Variants in CNTN5 observed in about 807,000 individuals in gnomAD.
The protein encoded by CNTN5 is contactin-5.
CNTN5 carries 77 observed loss-of-function variants against 129.1 expected under a neutral mutation model. The observed-to-expected ratio is 0.60, with a 90% CI of 0.50 to 0.72. CNTN5 has a LOEUF of 0.72. Among genes scored for constraint, CNTN5 ranks in the 30% least tolerant of loss-of-function variants. CNTN5 has a pLI of 0.00. For missense variants in CNTN5, 1,478 were observed against 1,328.8 expected (o/e 1.11, Z -1.75); for synonymous variants, 509 against 465.6 (o/e 1.09, Z -1.20).
chr11:99,782,890 G>A (rs911817517), intron 3 of CNTN5, among the ~76,000 whole-genome samples: 9 of 151,696 alleles, frequency 5.9e-5, no homozygotes, highest in Admixed American at 5.3e-4. Context: ...AGAAAACCTA[G>A]GCATTACCAT....
intron 2 of CNTN5, among the ~76,000 whole-genome samples, chr11:99,450,465 A>G (rs11219979): frequency 0.18 from 27,063 of 152,074 alleles, 2,548 homozygotes; most frequent in Middle Eastern, 0.31. Flanking sequence ...GGGAAGAACT[A>G]TGTATATAGT....
At chr11:100,143,479 A>G (rs1160013744) in intron 13 of CNTN5, among the ~76,000 whole-genome samples, 2 of 152,150 alleles carry the variant, frequency 1.3e-5, no homozygotes, top group African/African-American at 4.8e-5. Flanking sequence ...ACTAGGAAAG[A>G]GAACAGATCT....
In CNTN5 at chr11:99,739,751, C is replaced by T. The variant is rs75748752; in HGVS notation, c.56-79793C>T. Reference sequence around the variant, plus strand: ...ATGACTTATTCTTCGTTTTTGCTTCCATTTAAAGAGATTTTTGTAGCGATG... The same window carrying T: ...ATGACTTATTCTTCGTTTTTGCTTCTATTTAAAGAGATTTTTGTAGCGATG... On this transcript the variant is annotated intron_variant, in intron 3 of 24. Coordinates refer to ENST00000524871, the MANE Select transcript of CNTN5 (RefSeq NM_014361.4). 5.0e-3 allele frequency among the ~76,000 whole-genome samples: 760 copies of T among 152,180 alleles called. 8 individuals carry two copies. The highest frequency in any genetic ancestry group is 0.016 in the African/African-American group (673 of 41,536).
intron 3 of CNTN5, among the ~76,000 whole-genome samples, chr11:99,557,072 T>C (rs1948697949): frequency 6.6e-6 from 1 of 151,246 alleles, no homozygotes; most frequent in Non-Finnish European, 1.5e-5. Context: ...GTAGTATGTA[T>C]GGTAAGAGAG....
intron 1 of CNTN5, among the ~76,000 whole-genome samples, chr11:99,290,387 C>T (rs180713187): frequency 1.1e-3 from 160 of 151,890 alleles, no homozygotes; most frequent in Admixed American, 1.6e-3. Flanking sequence ...AGCCACACAC[C>T]TCCAGGAATT....
chr11:99,708,769 C>T (rs1420008662), intron 3 of CNTN5, among the ~76,000 whole-genome samples: 1 of 151,710 alleles, frequency 6.6e-6, no homozygotes, highest in Admixed American at 6.6e-5. Context: ...TTCTTACACT[C>T]AATGGGGCTG....
rs777392424 is a variant in CNTN5, at chr11:100,071,847, T to C, written c.1429+13T>C. Reference sequence around the variant, plus strand: ...CTGAAGATTCTAGGTATGCAGTTTCTAAGTGAATAAATTGAAAAAAAAAAC... The same window carrying C: ...CTGAAGATTCTAGGTATGCAGTTTCCAAGTGAATAAATTGAAAAAAAAAAC... On this transcript the variant is annotated intron_variant, in intron 12 of 24. Transcript: ENST00000524871. 4.5e-6 allele frequency: 7 copies of C among 1,565,486 alleles called. No individual in the cohort carries two copies. Among genetic ancestry groups the C allele is most frequent in the Non-Finnish European group, 6.0e-6 (7 of 1,163,574 alleles).
chr11:100,347,368 C>T (rs1234807700), intron 23 of CNTN5, among the ~76,000 whole-genome samples: 1 of 152,048 alleles, frequency 6.6e-6, no homozygotes, highest in Non-Finnish European at 1.5e-5. Flanking sequence ...ATAGGAGACT[C>T]AGCCTTCTTT....
chr11:99,639,027 C>A (rs1951668950), intron 3 of CNTN5, among the ~76,000 whole-genome samples: 1 of 152,228 alleles, frequency 6.6e-6, no homozygotes, highest in African/African-American at 2.4e-5. Context: ...CCTGTCCCTG[C>A]AGCAAACTTT....
chr11:99,617,272 A>G (rs1209709545), intron 3 of CNTN5, among the ~76,000 whole-genome samples: 1 of 152,148 alleles, frequency 6.6e-6, no homozygotes, highest in Non-Finnish European at 1.5e-5. Context: ...TTTCTGAAAA[A>G]CCATCCTGGC....
intron 1 of CNTN5, among the ~76,000 whole-genome samples, chr11:99,138,327 T>C (rs1286327666): frequency 6.6e-6 from 1 of 152,184 alleles, no homozygotes; most frequent in African/African-American, 2.4e-5. Flanking sequence ...ATGGATGAAA[T>C]GTTAAGCAGA....
rs1314026698 is a variant in CNTN5, at chr11:100,050,023, A to G, written c.981-11189A>G. Among the ~76,000 whole-genome samples the G allele has an allele frequency of 1.8e-3, 272 of 152,086 alleles. No individual in the cohort carries two copies. The Middle Eastern group carries it at 0.02, about 11-fold the overall frequency. ...GAAACAGGAACACTTTTACACTCTT[A>G]GTGGGACTGTAAACTAGTTCAACCA... On this transcript the variant is annotated intron_variant, in intron 9 of 24. Coordinates refer to ENST00000524871, the MANE Select transcript of CNTN5 (RefSeq NM_014361.4).
At chr11:100,307,777 A>G (rs1436253632) in intron 20 of CNTN5, among the ~76,000 whole-genome samples, 1 of 151,796 alleles carries the variant, frequency 6.6e-6, no homozygotes, top group East Asian at 2.0e-4. Flanking sequence ...AGAATAAAAA[A>G]TAAAATAATA....
rs142613302 is a variant in CNTN5 at position 99,997,334 on chromosome 11, T to A, written c.878-4700T>A. 5.2e-3 allele frequency among the ~76,000 whole-genome samples: 788 copies of A among 152,278 alleles called. 8 individuals are homozygous for A. The highest frequency in any genetic ancestry group is 0.017 in the African/African-American group (713 of 41,538). On this transcript the variant is annotated intron_variant, in intron 8 of 24. Transcript: ENST00000524871. The stretch of plus-strand genomic sequence containing the variant: ...AGTTATTTTAATTGTGATGTTAGGG[T>A]GTCAATTTTGGATCAACTACCATCA...
At chr11:99,108,944 A>C (rs1857647187) in intron 1 of CNTN5, among the ~76,000 whole-genome samples, 1 of 151,952 alleles carries the variant, frequency 6.6e-6, no homozygotes, top group African/African-American at 2.4e-5. Flanking sequence ...CTTAATTAGT[A>C]TTTAACTTGG....
intron 19 of CNTN5, among the ~76,000 whole-genome samples, 156 bp downstream of exon 19, chr11:100,297,851 AC>A (rs1951128927): frequency 6.6e-6 from 1 of 151,500 alleles, no homozygotes; most frequent in Non-Finnish European, 1.5e-5. Flanking sequence ...ATGCCACGTT[AC>A]CCTGGTTATC....
chr11:100,117,858 G>A (rs764530995), intron 13 of CNTN5, among the ~76,000 whole-genome samples: 6 of 151,614 alleles, frequency 4.0e-5, no homozygotes, highest in Non-Finnish European at 7.4e-5. Flanking sequence ...ATTGAATACC[G>A]TACTTCTCCA....
intron 3 of CNTN5, among the ~76,000 whole-genome samples, chr11:99,682,931 A>G (rs1953623588): frequency 6.6e-6 from 1 of 151,946 alleles, no homozygotes; most frequent in Non-Finnish European, 1.5e-5. Context: ...CCACACACAT[A>G]CAGAACATAA....
At chr11:99,832,166 ACAT>A (rs1378788953) in intron 4 of CNTN5, among the ~76,000 whole-genome samples, 2 of 152,140 alleles carry the variant, frequency 1.3e-5, no homozygotes, top group Non-Finnish European at 2.9e-5. Context: ...TTTTTGTCTA[ACAT>A]CATTTCCATA....
Sources: allele counts gnomAD v4.1 joint callset (sites outside exome capture counted in the v4.1 genomes callset), GRCh38; gene constraint gnomAD v4.1.1; transcripts MANE v1.5; gene names NCBI Gene and HGNC (gene_info 2026-07-23, HGNC 2026-07-21).